SH3GL1: variants seen among roughly 807,000 people sequenced by gnomAD.
SH3GL1 encodes the protein SH3 domain containing GRB2 like 1, endophilin A2.
A neutral mutation model predicts 48.8 loss-of-function variants in SH3GL1; 21 were observed. The observed-to-expected ratio is 0.43, with a 90% CI of 0.30 to 0.62. SH3GL1 has a LOEUF of 0.62. Ranked by LOEUF, SH3GL1 falls within the 20% of genes least tolerant of loss-of-function variation. The pLI, the probability that SH3GL1 is intolerant of heterozygous loss-of-function variation, is 0.11. For missense variants in SH3GL1, 454 were observed against 503.0 expected, an observed-to-expected ratio of 0.90 and a Z score of 0.93; for synonymous variants, 282 against 217.5, an observed-to-expected ratio of 1.30 and a Z score of -2.61.
intron 4 of SH3GL1, 108 bp downstream of exon 4, chr19:4,365,374 A>T: frequency 2.1e-6 from 3 of 1,447,508 alleles, no homozygotes; most frequent in Non-Finnish European, 2.9e-6. Flanking sequence ...TGTGGGGGCC[A>T]CTGTACGTCC....
chr19:4,398,939 G>A (rs149147630), intron 1 of SH3GL1, among the ~76,000 whole-genome samples: 155 of 152,200 alleles, frequency 1.0e-3, no homozygotes, highest in South Asian at 9.5e-3. Flanking sequence ...AGAAAATTCC[G>A]GTAAACAATA....
At chr19:4,388,437 G>A (rs1032865028) in intron 1 of SH3GL1, among the ~76,000 whole-genome samples, 1 of 152,178 alleles carries the variant, frequency 6.6e-6, no homozygotes, top group African/African-American at 2.4e-5. Flanking sequence ...CGGAAGCACA[G>A]GAGACAGCAG....
In SH3GL1 at chr19:4,361,663, C is replaced by G. The variant is rs1275824898; in HGVS notation, c.1044G>C (p.Leu348=). The change falls in exon 10 of 10, where the codon CTG becomes CTC. Residue 348 remains leucine (L), a synonymous_variant. Coordinates refer to ENST00000269886, the MANE Select transcript of SH3GL1 (RefSeq NM_003025.4). ...QIDENWYEGM[L]DGQSGFFPLS... is the part of the protein sequence containing the mutation. The stretch of plus-strand genomic sequence containing the variant: ...GCGGGAAGAAGCCCGACTGGCCGTC[C>G]AGCATGCCCTCGTACCAGTTCTCAT... 7.4e-5 allele frequency: 119 copies of G among 1,612,170 alleles called. No individual in the cohort carries two copies. The highest frequency in any genetic ancestry group is 9.7e-5 in the Non-Finnish European group (115 of 1,179,714).
chr19:4,386,501 C>CTTTT (rs960946256), intron 1 of SH3GL1, among the ~76,000 whole-genome samples: 3 of 130,818 alleles, frequency 2.3e-5, no homozygotes, highest in Non-Finnish European at 3.3e-5. Flanking sequence ...TTCTTTTTCA[C>CTTTT]TTTTTTTTTT....
chr19:4,382,549 GC>G (rs373965797), intron 1 of SH3GL1, among the ~76,000 whole-genome samples: 150 of 151,656 alleles, frequency 9.9e-4, no homozygotes, highest in Middle Eastern at 3.6e-3. Flanking sequence ...GAGCCACCGC[GC>G]CCGGCCCAGG....
chr19:4,362,570 C>T (rs372033762), intron 8 of SH3GL1, 42 bp downstream of exon 8: 20 of 1,611,360 alleles, frequency 1.2e-5, no homozygotes, highest in African/African-American at 1.1e-4. Context: ...CACTCCCACC[C>T]GCTGGCATTT....
intron 4 of SH3GL1, 85 bp downstream of exon 4, chr19:4,365,397 A>G (rs1256059854): frequency 6.4e-7 from 1 of 1,564,584 alleles, no homozygotes; most frequent in Non-Finnish European, 8.8e-7. Context: ...GGCACTCAGC[A>G]CATGCAGGGC....
chr19:4,389,073 C>T lies in SH3GL1; in HGVS notation c.45+11251G>A, dbSNP rs577977260. ...TGCTGTTGAGCCACCACCAGGGACA[C>T]CACAGGGGCCCTGTGGAGGACAGCC... On this transcript the variant is annotated intron_variant, in intron 1 of 9. Transcript: ENST00000269886. This position sits in a 1 kb window ranked among gnomAD's most constrained non-coding sequence, Gnocchi z 4.5. Among the ~76,000 whole-genome samples, 2 of 152,212 alleles carry T rather than the reference C, an allele frequency of 1.3e-5. No homozygotes were observed. The highest frequency in any genetic ancestry group is 2.9e-5 in the Non-Finnish European group (2 of 68,026).
Position 4,361,596 on chromosome 19 carries a change from T to C in SH3GL1, c.*4A>G, listed in dbSNP as rs552613793. On this transcript the variant is annotated 3_prime_UTR_variant, in exon 10 of 10. Coordinates refer to ENST00000269886, the MANE Select transcript of SH3GL1 (RefSeq NM_003025.4). ...CGGAGGGGCGGGGCGGGGACACGGG[T>C]GAGTCACTGCGGCAGGGGCACAAGC... is the stretch of plus-strand genomic sequence containing the variant. The C allele has an allele frequency of 5.7e-6, 9 of 1,577,734 alleles. No individual in the cohort carries two copies. The highest frequency in any genetic ancestry group is 1.3e-5 in the African/African-American group (1 of 74,402).
chr19:4,362,377 A>T lies in SH3GL1; in HGVS notation c.862T>A (p.Ser288Thr). ...ATGGGCTTGTCGGAAGATCGGAAAGACGATGAAGCTAAACACAAGCAAAAC... is the reference window on the plus strand; with the variant it reads ...ATGGGCTTGTCGGAAGATCGGAAAGTCGATGAAGCTAAACACAAGCAAAAC... ...TTAPKIAASS[S>T]FRSSDKPIRT... The change falls in exon 9 of 10, where the codon TCT becomes ACT. Residue 288 changes from serine to threonine, a missense_variant. Ser to Thr is a moderately conservative substitution (Grantham distance 58, BLOSUM62 1). Transcript: ENST00000269886. 1.9e-6 allele frequency: 3 copies of T among 1,611,760 alleles called. No individual in the cohort carries two copies. Among genetic ancestry groups the T allele is most frequent in the Non-Finnish European group, 2.5e-6 (3 of 1,178,856 alleles).
intron 1 of SH3GL1, among the ~76,000 whole-genome samples, chr19:4,386,989 T>A (rs1304640623): frequency 1.3e-5 from 2 of 151,242 alleles, no homozygotes; most frequent in East Asian, 3.9e-4. Flanking sequence ...CAGGCTGGAG[T>A]GCAGTGGTGC....
At chr19:4,372,161 T>C (rs1295706095) in intron 1 of SH3GL1, among the ~76,000 whole-genome samples, 1 of 152,058 alleles carries the variant, frequency 6.6e-6, no homozygotes, top group Non-Finnish European at 1.5e-5. Context: ...AAAGCATGGG[T>C]TGGGGAGCTG....
At chr19:4,369,766 G>C (rs576392464) in intron 1 of SH3GL1, among the ~76,000 whole-genome samples, 112 of 152,328 alleles carry the variant, frequency 7.4e-4, no homozygotes, top group African/African-American at 2.6e-3. Flanking sequence ...CTAACTACCC[G>C]GGTCCCTCTG....
rs538892286 is a variant in SH3GL1 at position 4,388,830 on chromosome 19, C to G, written c.45+11494G>C. 8.4e-4 allele frequency among the ~76,000 whole-genome samples: 128 copies of G among 152,350 alleles called. 1 individual carries two copies. The highest frequency in any genetic ancestry group is 2.3e-3 in the African/African-American group (97 of 41,576). ...TCTGGGTCAGAGACTGCCTGTGACA[C>G]AGTCAGGCCCTCGGACCTGGCCAAG... On this transcript the variant is annotated intron_variant, in intron 1 of 9. Coordinates refer to ENST00000269886, the MANE Select transcript of SH3GL1 (RefSeq NM_003025.4).
chr19:4,371,949 C>T (rs1038440555), intron 1 of SH3GL1, among the ~76,000 whole-genome samples: 2 of 152,228 alleles, frequency 1.3e-5, no homozygotes, highest in South Asian at 2.1e-4. Context: ...GCTGGTCAAC[C>T]GCAGCGAATA....
Position 4,388,196 on chromosome 19 carries a change from C to G in SH3GL1, c.45+12128G>C, listed in dbSNP as rs541155518. Among the ~76,000 whole-genome samples, 88 of 152,174 alleles carry G rather than the reference C, an allele frequency of 5.8e-4. 1 individual carries two copies. In the South Asian group the frequency reaches 0.017, roughly 30 times the overall value. Reference sequence around the variant, plus strand: ...TGTTATTGAGCAAGGAAAAATACCACGATCCCCTTTAAAATACATTTTAAA... The same window carrying G: ...TGTTATTGAGCAAGGAAAAATACCAGGATCCCCTTTAAAATACATTTTAAA... On this transcript the variant is annotated intron_variant, in intron 1 of 9. Coordinates refer to ENST00000269886, the MANE Select transcript of SH3GL1 (RefSeq NM_003025.4).
chr19:4,397,563 G>A (rs1973447656), intron 1 of SH3GL1, among the ~76,000 whole-genome samples: 1 of 152,172 alleles, frequency 6.6e-6, no homozygotes, highest in East Asian at 1.9e-4. Flanking sequence ...GAACAAAGTG[G>A]CCCAGGAATT....
At position 4,362,753 on chromosome 19, in the gene SH3GL1, G is replaced by A. The variant is rs371218434; in HGVS notation, c.729-17C>T. The A allele has an allele frequency of 8.2e-5, 133 of 1,613,566 alleles. 1 individual carries two copies. In the Admixed American group the frequency reaches 8.8e-4, roughly 11 times the overall value. Reference sequence around the variant, plus strand: ...TCCCGCATCCTGTGAAGGGAGAGGCGTGAGTGGACCGAGCCCGTGTCACGG... The same window carrying A: ...TCCCGCATCCTGTGAAGGGAGAGGCATGAGTGGACCGAGCCCGTGTCACGG... On this transcript the variant is annotated splice_polypyrimidine_tract_variant and intron_variant, in intron 7 of 9. Transcript: ENST00000269886.
chr19:4,393,697 G>T (rs564048347), intron 1 of SH3GL1, among the ~76,000 whole-genome samples: 46 of 152,108 alleles, frequency 3.0e-4, no homozygotes, highest in Non-Finnish European at 5.6e-4. Flanking sequence ...GGCTGAGGCA[G>T]AAGAATTGCT....
Sources: gnomAD v4.1 joint callset for allele counts (sites outside exome capture counted in the v4.1 genomes callset) on GRCh38, gnomAD v4.1.1 for gene constraint, Gnocchi (gnomAD v3.1) non-coding constraint, MANE v1.5 for transcripts, NCBI Gene and HGNC (gene_info 2026-07-23, HGNC 2026-07-21) for gene names.